Variants in ABHD12 observed in about 807,000 individuals in gnomAD.
ABHD12 encodes abhydrolase domain containing 12, lysophospholipase.
In ABHD12, 43 loss-of-function variants were observed where a neutral mutation model predicts 58.3. The ratio of observed to expected loss-of-function variants is 0.74; its 90% CI spans 0.58 to 0.95. The LOEUF is 0.95. Ranked by LOEUF, ABHD12 falls within the 40% of genes least tolerant of loss-of-function variation. The pLI is 0.00. For missense variants in ABHD12, 539 were observed against 537.2 expected (o/e 1.00, Z -0.03); for synonymous variants, 219 against 211.2 (o/e 1.04, Z -0.32).
At chr20:25,298,237 C>CCGGGGT (rs1443003616), downstream of ABHD12, among the ~76,000 whole-genome samples, 1 of 151,716 alleles carries the variant, frequency 6.6e-6, no homozygotes, top group Non-Finnish European at 1.5e-5. Context: ...GGTGTGGAAC[C>CCGGGGT]CGGGGTCATG....
chr20:25,302,200 T>G lies in ABHD12; in HGVS notation c.1157+19A>C. 2 of 1,612,486 alleles carry G rather than the reference T, an allele frequency of 1.2e-6. No individual in the cohort carries two copies. The highest frequency in any genetic ancestry group is 1.7e-6 in the Non-Finnish European group (2 of 1,179,808). ...GTGCTGCCCAGACGAAGCCCCTGGG[T>G]GGGAAGAGAATGTCTCACCTCAGTA... On this transcript the variant is annotated intron_variant, in intron 12 of 12. Coordinates refer to ENST00000339157, the MANE Select transcript of ABHD12 (RefSeq NM_001042472.3).
At chr20:25,340,370 G>A (rs2089439688) in intron 1 of ABHD12, among the ~76,000 whole-genome samples, 1 of 152,226 alleles carries the variant, frequency 6.6e-6, no homozygotes, top group Non-Finnish European at 1.5e-5. Flanking sequence ...AAGCCAGAGA[G>A]TTTAACAGAA....
intron 2 of ABHD12, among the ~76,000 whole-genome samples, chr20:25,335,703 A>G (rs2089352683): frequency 6.7e-6 from 1 of 149,990 alleles, no homozygotes. Context: ...AAACTATTGC[A>G]AGATCAAAAA....
intron 1 of ABHD12, among the ~76,000 whole-genome samples, chr20:25,358,062 T>C (rs1338806307): frequency 6.6e-6 from 1 of 152,054 alleles, no homozygotes; most frequent in Non-Finnish European, 1.5e-5. Context: ...GTGGGGGAAA[T>C]GGGCACTGAG....
intron 1 of ABHD12, among the ~76,000 whole-genome samples, chr20:25,363,651 G>C (rs2089782665): frequency 6.6e-6 from 1 of 152,064 alleles, no homozygotes; most frequent in Non-Finnish European, 1.5e-5. Context: ...TGGATTACCT[G>C]AGGTCAGGAG....
At chr20:25,342,828 TCCTA>T (rs2089472385) in intron 1 of ABHD12, among the ~76,000 whole-genome samples, 2 of 152,262 alleles carry the variant, frequency 1.3e-5, no homozygotes, top group Admixed American at 1.3e-4. Context: ...GCTCAAGTGA[TCCTA>T]CCATCTTGGC....
intron 11 of ABHD12, among the ~76,000 whole-genome samples, chr20:25,302,917 C>CACACCCA (rs1401127484): frequency 6.6e-6 from 1 of 152,214 alleles, no homozygotes; most frequent in Non-Finnish European, 1.5e-5. Flanking sequence ...GAGGCCTGCA[C>CACACCCA]ACACCCAACT....
intron 1 of ABHD12, among the ~76,000 whole-genome samples, chr20:25,383,860 C>T (rs1242762105): frequency 4.2e-5 from 6 of 142,892 alleles, no homozygotes; most frequent in Admixed American, 7.5e-5. Context: ...GAGGTTGAGG[C>T]GGGAGAATCA....
intron 2 of ABHD12, among the ~76,000 whole-genome samples, chr20:25,330,205 C>T (rs113230435): frequency 3.5e-4 from 54 of 152,344 alleles, no homozygotes; most frequent in African/African-American, 9.4e-4. Context: ...TGGTGACAGA[C>T]GGCACCTGGA....
At chr20:25,372,299 T>C (rs941481533) in intron 1 of ABHD12, among the ~76,000 whole-genome samples, 3 of 152,064 alleles carry the variant, frequency 2.0e-5, no homozygotes, top group Admixed American at 6.6e-5. Context: ...CCTTAAGTGA[T>C]CCTCCTGCCT....
At chr20:25,325,189 G>A (rs985540388) in intron 2 of ABHD12, among the ~76,000 whole-genome samples, 1 of 117,488 alleles carries the variant, frequency 8.5e-6, no homozygotes, top group African/African-American at 3.3e-5. Context: ...CTGAGTGACA[G>A]AGAGACCCTG....
chr20:25,302,338 G>C lies in ABHD12; in HGVS notation c.1038C>G (p.Ser346Arg). 6.2e-7 allele frequency: 1 copy of C among 1,613,332 alleles called. No homozygotes were observed. The highest frequency in any genetic ancestry group is 8.5e-7 in the Non-Finnish European group (1 of 1,179,932). The change falls in exon 12 of 13, where the codon AGC becomes AGG. Residue 346 changes from serine to arginine, a missense_variant. Physicochemically the swap from Ser to Arg is moderately radical, Grantham distance 110. Transcript: ENST00000339157. ...VPFQLGRKLY[S>R]IAAPARSFRD... ...GGAAGCTTCGAGCTGGTGCGGCGATGCTATAGAGCTGGGGAGAGAGGGGTC... is the reference window on the plus strand; with the variant it reads ...GGAAGCTTCGAGCTGGTGCGGCGATCCTATAGAGCTGGGGAGAGAGGGGTC...
chr20:25,357,826 C>G (rs1250582032), intron 1 of ABHD12, among the ~76,000 whole-genome samples: 2 of 152,064 alleles, frequency 1.3e-5, no homozygotes, highest in Non-Finnish European at 2.9e-5. Flanking sequence ...GCCTGGACAA[C>G]ATGGCAAAAC....
intron 1 of ABHD12, among the ~76,000 whole-genome samples, chr20:25,357,598 A>G (rs982550116): frequency 1.3e-5 from 2 of 152,244 alleles, no homozygotes; most frequent in Non-Finnish European, 2.9e-5. Flanking sequence ...TTCAAGGGAA[A>G]GTAAGAATTT....
chr20:25,314,803 T>A, intron 6 of ABHD12, 122 bp downstream of exon 6: 5 of 1,103,242 alleles, frequency 4.5e-6, no homozygotes, highest in East Asian at 2.4e-5. Context: ...CAGGACACCA[T>A]CACAGCACAG....
intron 2 of ABHD12, among the ~76,000 whole-genome samples, chr20:25,326,024 T>A (rs567854268): frequency 5.7e-4 from 81 of 141,846 alleles, no homozygotes; most frequent in African/African-American, 2.0e-3. Flanking sequence ...TGAGCTGAGA[T>A]CATGCCACTT....
At position 25,355,621 on chromosome 20, in the gene ABHD12, C is replaced by T. The variant is rs139160372; in HGVS notation, c.192-16270G>A. Among the ~76,000 whole-genome samples, 36 of 152,194 alleles carry T rather than the reference C, an allele frequency of 2.4e-4. No individual in the cohort carries two copies. The East Asian group carries it at 6.4e-3, about 27-fold the overall frequency. On this transcript the variant is annotated intron_variant, in intron 1 of 12. Coordinates refer to ENST00000339157, the MANE Select transcript of ABHD12 (RefSeq NM_001042472.3). ...GTCACCAGGCTGGAGTGCAGTGGCA[C>T]GATCCCAGCTCACTGCAACCTCCGC...
At chr20:25,302,192 C>A in intron 12 of ABHD12, 27 bp downstream of exon 12, 2 of 1,612,354 alleles carry the variant, frequency 1.2e-6, no homozygotes, top group Non-Finnish European at 1.7e-6. Context: ...CCAGACGAAG[C>A]CCCTGGGTGG....
intron 2 of ABHD12, among the ~76,000 whole-genome samples, chr20:25,335,226 T>C (rs2089344117): frequency 6.6e-6 from 1 of 152,216 alleles, no homozygotes; most frequent in Non-Finnish European, 1.5e-5. Flanking sequence ...TCACTGGCCA[T>C]TGGAGAAATG....
Sources: allele counts gnomAD v4.1 joint callset (sites outside exome capture counted in the v4.1 genomes callset), GRCh38; gene constraint gnomAD v4.1.1; transcripts MANE v1.5; gene names NCBI Gene and HGNC (gene_info 2026-07-23, HGNC 2026-07-21).